The following ADGRF1 variants were observed in gnomAD, a reference collection of about 807,000 sequenced individuals.
ADGRF1 encodes the protein G protein-coupled receptor 110.
In ADGRF1, 85 loss-of-function variants were observed where a neutral mutation model predicts 87.2. The ratio of observed to expected loss-of-function variants is 0.97; its 90% CI spans 0.82 to 1.17. The LOEUF is 1.17. Ranked by LOEUF, ADGRF1 falls within the 50% of genes most tolerant of loss-of-function variation. The pLI is 0.00. For synonymous variants in ADGRF1, 430 were observed against 408.8 expected (o/e 1.05, Z -0.63); for missense variants, 1,169 against 1,077.2 (o/e 1.09, Z -1.19).
Position 47,027,709 on chromosome 6 carries a change from T to G in ADGRF1, c.122A>C (p.His41Pro). 6.2e-7 allele frequency: 1 copy of G among 1,605,088 alleles called. No homozygotes were observed. Reference sequence around the variant, plus strand: ...GCTGTCTAACAGAGCCTCACCTAGATGTTTTTTCTTATTCACAATGAGTTC... The same window carrying G: ...GCTGTCTAACAGAGCCTCACCTAGAGGTTTTTTCTTATTCACAATGAGTTC... ...KKELIVNKKK[H>P]LGPVEEYQLL... The change falls in exon 3 of 15, where the codon CAT (histidine) becomes CCT (proline). Residue 41 changes from histidine (H) to proline (P), a missense_variant. Coordinates refer to ENST00000371253, the MANE Select transcript of ADGRF1 (RefSeq NM_153840.4).
intron 13 of ADGRF1, among the ~76,000 whole-genome samples, chr6:47,004,291 A>G (rs1332905771): frequency 6.6e-6 from 1 of 152,176 alleles, no homozygotes; most frequent in Admixed American, 6.5e-5. Flanking sequence ...CAAACTCTCT[A>G]AGAAAATTAT....
intron 3 of ADGRF1, among the ~76,000 whole-genome samples, chr6:47,026,337 G>C (rs1204852774): frequency 2.0e-5 from 3 of 152,040 alleles, no homozygotes; most frequent in Non-Finnish European, 4.4e-5. Context: ...AGACTGAAGG[G>C]GGAAGAGGTG....
Position 47,012,825 on chromosome 6 carries a change from G to A in ADGRF1, c.928-630C>T, listed in dbSNP as rs150403277. ...TGCTCTGTCAGCCAGGCTGGAGTGC[G>A]GTGGCATGATCTCAGCTCACTGCAA... is the stretch of plus-strand genomic sequence containing the variant. On this transcript the variant is annotated intron_variant, in intron 9 of 14. Coordinates refer to ENST00000371253, the MANE Select transcript of ADGRF1 (RefSeq NM_153840.4). 4.8e-4 allele frequency: 459 copies of A among 946,630 alleles called. 1 individual carries two copies. In the African/African-American group the frequency reaches 7.3e-3, roughly 15 times the overall value. The allele number at this position is 946,630 out of a possible 1,614,324, so 58.6% of individuals were successfully genotyped here.
At chr6:47,027,887 C>A in intron 2 of ADGRF1, 126 bp from the exon 3 acceptor site, 1 of 693,926 alleles carries the variant, frequency 1.4e-6, no homozygotes. Context: ...GGTGGAGAGG[C>A]GGCCAGGGAA....
Position 47,000,398 on chromosome 6 carries a change from G to A in ADGRF1, c.2660-103C>T, listed in dbSNP as rs553893153. ...GTAGATTATTTCACAACTAGGAACA[G>A]TTTTTAAAAGATTCTAGGTAAAGAC... On this transcript the variant is annotated intron_variant, in intron 14 of 14. Transcript: ENST00000371253. 15 of 796,836 alleles carry A rather than the reference G, an allele frequency of 1.9e-5. No homozygotes were observed. The East Asian group carries it at 3.3e-4, about 18-fold the overall frequency. 49.4% of individuals were successfully genotyped at this position (796,836 alleles called of 1,614,324 possible).
At chr6:47,016,049 TTTTG>T (rs1290815302) in intron 8 of ADGRF1, among the ~76,000 whole-genome samples, 2 of 152,306 alleles carry the variant, frequency 1.3e-5, no homozygotes. Context: ...GAGCTAAGAT[TTTTG>T]TTTGTTTTCA....
chr6:47,014,504 C>T (rs763601232), intron 9 of ADGRF1, 177 bp downstream of exon 9: 65 of 1,379,262 alleles, frequency 4.7e-5, no homozygotes, highest in South Asian at 8.4e-5. Flanking sequence ...GCTGCCCAGA[C>T]GCTACCACTC....
chr6:47,037,891 C>T (rs978393537), intron 1 of ADGRF1, among the ~76,000 whole-genome samples: 20 of 152,262 alleles, frequency 1.3e-4, no homozygotes, highest in Admixed American at 9.8e-4. Context: ...GACGGAGTCA[C>T]GCCCTGTCAC....
At position 47,009,090 on chromosome 6, in the gene ADGRF1, T is replaced by C. The variant is rs763859154; in HGVS notation, c.2345A>G (p.Asp782Gly). 6.2e-7 allele frequency: 1 copy of C among 1,614,092 alleles called. No homozygotes were observed. The highest frequency in any genetic ancestry group is 8.5e-7 in the Non-Finnish European group (1 of 1,180,024). The change falls in exon 11 of 15, where the codon GAC becomes GGC. Residue 782 changes from aspartate (D) to glycine (G), a missense_variant. By Grantham distance (94) the Asp-to-Gly change is moderately conservative. Coordinates refer to ENST00000371253, the MANE Select transcript of ADGRF1 (RefSeq NM_153840.4). ...PTVGERLSRD[D>G]KATIIRVGKS... Reference sequence around the variant, plus strand: ...CCCCACGCGGATGATGGTGGCCTTGTCATCCCGACTCAGTCTTTCCCCAAC... The same window carrying C: ...CCCCACGCGGATGATGGTGGCCTTGCCATCCCGACTCAGTCTTTCCCCAAC...
intron 11 of ADGRF1, among the ~76,000 whole-genome samples, chr6:47,008,474 T>C (rs893144510): frequency 6.6e-6 from 1 of 152,264 alleles, no homozygotes; most frequent in Non-Finnish European, 1.5e-5. Flanking sequence ...CCATAGACCA[T>C]ATGTACATAA....
chr6:47,026,065 A>T, intron 3 of ADGRF1, 62 bp from the exon 4 acceptor site: 2 of 1,408,660 alleles, frequency 1.4e-6, no homozygotes, highest in South Asian at 2.8e-5. Context: ...ATTGCTGAGG[A>T]AGTGACTGAG....
chr6:47,020,031 G>C, intron 7 of ADGRF1: 2 of 992,828 alleles, frequency 2.0e-6, no homozygotes, highest in African/African-American at 1.7e-5. Context: ...TCCTGTAGTT[G>C]CTGAAGGAGA....
At position 47,024,173 on chromosome 6, in the gene ADGRF1, T is replaced by C; in HGVS notation, c.322A>G (p.Ser108Gly). ...NGVLQCTCED[S>G]YTWFPPSCLD... ...CATGAGGGAGGAAACCAGGTGTAGC[T>C]GTCTTCACAGGTACACTGCAGGACT... Residue 108 changes from serine (S) to glycine (G), a missense_variant, in exon 5 of 15, where the codon AGC becomes GGC. Ser to Gly is a moderately conservative substitution (Grantham distance 56). Transcript: ENST00000371253. 1 of 1,614,124 alleles carries C rather than the reference T, an allele frequency of 6.2e-7. No homozygotes were observed. Among genetic ancestry groups the C allele is most frequent in the Non-Finnish European group, 8.5e-7 (1 of 1,179,964 alleles).
chr6:47,019,819 A>ATAGT, intron 7 of ADGRF1: 1 of 984,750 alleles, frequency 1.0e-6, no homozygotes, highest in Non-Finnish European at 1.2e-6. Context: ...CAGATTATTA[A>ATAGT]TAGTTGGTAA....
At chr6:47,024,903 A>G (rs1334660524) in intron 4 of ADGRF1, among the ~76,000 whole-genome samples, 2 of 152,232 alleles carry the variant, frequency 1.3e-5, no homozygotes, top group East Asian at 3.9e-4. Context: ...GCAATGGAAG[A>G]GAGAAGCAGA....
rs147737689 is a variant in ADGRF1 at position 47,005,663 on chromosome 6, C to T, written c.2592+154G>A. 2.8e-3 allele frequency among the ~76,000 whole-genome samples: 425 copies of T among 152,320 alleles called. 2 individuals carry two copies. Among genetic ancestry groups the T allele is most frequent in the African/African-American group, 9.7e-3 (405 of 41,576 alleles). Reference sequence around the variant, plus strand: ...CACTCAACAACTCTTTACTACCACTCATGTGCCAGGCTCCATGTCAGATAC... The same window carrying T: ...CACTCAACAACTCTTTACTACCACTTATGTGCCAGGCTCCATGTCAGATAC... On this transcript the variant is annotated intron_variant, in intron 13 of 14. Transcript: ENST00000371253.
chr6:47,007,032 C>T (rs181182510), intron 12 of ADGRF1, among the ~76,000 whole-genome samples: 59 of 151,902 alleles, frequency 3.9e-4, no homozygotes, highest in Non-Finnish European at 5.4e-4. Context: ...TTTCCGACAA[C>T]GTTTACATTA....
intron 2 of ADGRF1, among the ~76,000 whole-genome samples, chr6:47,028,467 G>A (rs962613484): frequency 6.6e-6 from 1 of 152,182 alleles, no homozygotes; most frequent in Non-Finnish European, 1.5e-5. Context: ...GTTCGATTTT[G>A]AACAAATGAA....
At chr6:47,024,502 C>A (rs865820009) in intron 4 of ADGRF1, among the ~76,000 whole-genome samples, 9 of 152,084 alleles carry the variant, frequency 5.9e-5, no homozygotes, top group Non-Finnish European at 2.9e-5. Context: ...TCAGTAGAGA[C>A]AGTATTTTGC....
Sources: gnomAD v4.1 joint callset for allele counts (sites outside exome capture counted in the v4.1 genomes callset) on GRCh38, gnomAD v4.1.1 for gene constraint, MANE v1.5 for transcripts, NCBI Gene and HGNC (gene_info 2026-07-23, HGNC 2026-07-21) for gene names.